DEAF1: variants seen among roughly 807,000 people sequenced by gnomAD.
DEAF1 encodes deformed epidermal autoregulatory factor 1 homolog.
A neutral mutation model predicts 58.9 loss-of-function variants in DEAF1; 53 were observed. The observed-to-expected ratio is 0.90, with a 90% CI of 0.72 to 1.13. The LOEUF (loss-of-function observed/expected upper bound fraction) is 1.13, where lower values mean the gene tolerates loss of function less well. Among genes scored for constraint, DEAF1 ranks in the 50% most tolerant of loss-of-function variants. DEAF1 has a pLI of 0.00. For missense variants in DEAF1, 685 were observed against 791.4 expected, an observed-to-expected ratio of 0.87 and a Z score of 1.61; for synonymous variants, 385 against 340.4, an observed-to-expected ratio of 1.13 and a Z score of -1.44.
At chr11:654,893 G>A (rs931025245) in intron 10 of DEAF1, among the ~76,000 whole-genome samples, 1 of 150,630 alleles carries the variant, frequency 6.6e-6, no homozygotes, top group Admixed American at 6.6e-5. Context: ...AATCAGGGCC[G>A]GATGCAGTGG....
intron 5 of DEAF1, among the ~76,000 whole-genome samples, chr11:685,213 A>T (rs1315466157): frequency 2.0e-5 from 3 of 151,140 alleles, no homozygotes; most frequent in Non-Finnish European, 4.4e-5. Context: ...GCCTCCCAAG[A>T]AGCTGGGATT....
Position 644,561 on chromosome 11 carries a change from CCTT to C in DEAF1, c.1684_1686del (p.Lys562del). On this transcript the variant is annotated inframe_deletion, in exon 12 of 12. Coordinates refer to ENST00000382409, the MANE Select transcript of DEAF1 (RefSeq NM_021008.4). This position sits in a 1 kb window ranked among gnomAD's most constrained non-coding sequence, Gnocchi z 4.3. ...CGGCCGATGGAGCCTCACACGGTCA[CCTT>C]CTCCATCACGCTTTCAGCCACGTGG... 1 of 1,612,866 alleles carries C rather than the reference CCTT, an allele frequency of 6.2e-7. No individual in the cohort carries two copies. The highest frequency in any genetic ancestry group is 8.5e-7 in the Non-Finnish European group (1 of 1,179,922).
At chr11:663,470 A>G (rs1390503061) in intron 10 of DEAF1, among the ~76,000 whole-genome samples, 1 of 152,176 alleles carries the variant, frequency 6.6e-6, no homozygotes, top group East Asian at 1.9e-4. Context: ...CTGCCTCTGG[A>G]GTCAATACCA....
At chr11:650,028 C>A (rs28717055) in intron 11 of DEAF1, among the ~76,000 whole-genome samples, 2,336 of 40,652 alleles carry the variant, frequency 0.057, 54 homozygotes, top group African/African-American at 0.11. Context: ...GTCTAAAAAA[C>A]AAAAACAAAA....
At chr11:695,247 A>C, upstream of DEAF1, 1 of 482,936 alleles carries the variant, frequency 2.1e-6, no homozygotes, top group Non-Finnish European at 3.4e-6. Context: ...GCCGAGGCGA[A>C]CAGAGGCTGC....
At chr11:695,409 TCA>T, upstream of DEAF1, 2 of 424,172 alleles carry the variant, frequency 4.7e-6, no homozygotes, top group Non-Finnish European at 8.1e-6. Flanking sequence ...CCTGCTCTCC[TCA>T]CTGTCCTGAC....
chr11:657,323 C>T (rs1265602666), intron 10 of DEAF1, among the ~76,000 whole-genome samples: 1 of 152,140 alleles, frequency 6.6e-6, no homozygotes, highest in African/African-American at 2.4e-5. Context: ...TCAGGACGTA[C>T]CCCAAAATGA....
intron 9 of DEAF1, among the ~76,000 whole-genome samples, chr11:676,544 G>A (rs532684529): frequency 4.0e-5 from 6 of 151,786 alleles, no homozygotes; most frequent in African/African-American, 9.7e-5. Flanking sequence ...TCAGAGTCTC[G>A]CTGTGTCGCC....
chr11:667,032 A>G (rs1859568560), intron 10 of DEAF1, among the ~76,000 whole-genome samples: 1 of 151,872 alleles, frequency 6.6e-6, no homozygotes, highest in Non-Finnish European at 1.5e-5. Flanking sequence ...AACCCCATCT[A>G]TACAAAACAA....
At chr11:702,843 C>T (rs2133475888) in intron 1 of DEAF1, 2 of 1,157,978 alleles carry the variant, frequency 1.7e-6, no homozygotes, top group East Asian at 4.9e-5. Context: ...GAACGTAGGG[C>T]AAGGAGCTGC....
At position 678,740 on chromosome 11, in the gene DEAF1, G is replaced by A. The variant is rs540108800; in HGVS notation, c.1209C>T (p.Ile403=). Residue 403 remains isoleucine, a synonymous_variant, in exon 9 of 12, where the codon ATC becomes ATT. Transcript: ENST00000382409. ...HYPGYQDSCQ[I]APFPEAALPT... is the part of the protein sequence containing the mutation. ...GCAACGCAGCTTCTGGAAACGGTGCGATCTGGCAGCTGTCCTGATAGCCGG... is the reference window on the plus strand; with the variant it reads ...GCAACGCAGCTTCTGGAAACGGTGCAATCTGGCAGCTGTCCTGATAGCCGG... The A allele has an allele frequency of 3.1e-5, 50 of 1,614,082 alleles. No individual in the cohort carries two copies. The highest frequency in any genetic ancestry group is 1.6e-4 in the Middle Eastern group (1 of 6,084).
intron 2 of DEAF1, among the ~76,000 whole-genome samples, chr11:690,418 A>T (rs1481844398): frequency 2.0e-5 from 3 of 147,956 alleles, no homozygotes; most frequent in African/African-American, 7.5e-5. Flanking sequence ...GAAGTCCTTC[A>T]CAAGTTTTCT....
intron 10 of DEAF1, among the ~76,000 whole-genome samples, chr11:673,042 G>A (rs1859898127): frequency 6.6e-6 from 1 of 151,672 alleles, no homozygotes; most frequent in South Asian, 2.1e-4. Context: ...CCAGCTACTT[G>A]GGAGGCTGAG....
chr11:691,693 C>G lies in DEAF1; in HGVS notation c.290-95G>C, dbSNP rs1205549165. ...GGTGCTTCAAACAAAGTGACTCCCC[C>G]TCAGGTGTGTGCCCTTGTAACCAGG... On this transcript the variant is annotated intron_variant, in intron 1 of 11. Transcript: ENST00000382409. The G allele has an allele frequency of 2.9e-6, 3 of 1,024,852 alleles. No individual in the cohort carries two copies. In the African/African-American group the frequency reaches 4.7e-5, roughly 16 times the overall value. 63.5% of individuals were successfully genotyped at this position (1,024,852 alleles called of 1,614,324 possible).
intron 10 of DEAF1, among the ~76,000 whole-genome samples, chr11:668,645 G>C (rs1589991142): frequency 6.6e-6 from 1 of 152,136 alleles, no homozygotes; most frequent in East Asian, 1.9e-4. Context: ...AACACAGTGA[G>C]ACCCTCTCTC....
intron 5 of DEAF1, among the ~76,000 whole-genome samples, chr11:685,352 G>A (rs539118676): frequency 1.3e-5 from 2 of 152,070 alleles, no homozygotes; most frequent in Non-Finnish European, 2.9e-5. Flanking sequence ...CCGAAGTGCT[G>A]GGATTACAAG....
upstream of DEAF1, among the ~76,000 whole-genome samples, chr11:696,424 A>G (rs1861161954): frequency 6.6e-6 from 1 of 152,022 alleles, no homozygotes; most frequent in Non-Finnish European, 1.5e-5. Flanking sequence ...AAGAATGGCT[A>G]CTCCATAGGC....
rs1308521142 is a variant in DEAF1 at position 644,267 on chromosome 11, G to A, written c.*283C>T. The A allele has an allele frequency of 7.4e-6, 4 of 538,132 alleles. No homozygotes were observed. Among genetic ancestry groups the A allele is most frequent in the African/African-American group, 3.8e-5 (2 of 52,508 alleles). 33.3% of individuals were successfully genotyped at this position (538,132 alleles called of 1,614,324 possible). ...TACACTTTATTGACAGACACAACAC[G>A]TATGTATGTGCGTCGCAGCACAGGC... On this transcript the variant is annotated 3_prime_UTR_variant, in exon 12 of 12. Coordinates refer to ENST00000382409, the MANE Select transcript of DEAF1 (RefSeq NM_021008.4). The surrounding 1 kb of genome is among the most constrained non-coding windows in gnomAD (Gnocchi z 4.3).
Position 679,917 on chromosome 11 carries a change from T to G in DEAF1, c.998-101A>C, listed in dbSNP as rs1860270796. ...CGCCAATCCTTGTGGGGGCCTGGGC[T>G]GAAGGGCGGGCAGTGGTAACTGTAC... is the stretch of plus-strand genomic sequence containing the variant. On this transcript the variant is annotated intron_variant, in intron 7 of 11. Transcript: ENST00000382409. The G allele has an allele frequency of 5.9e-6, 9 of 1,520,402 alleles. No homozygotes were observed. In the South Asian group the frequency reaches 1.0e-4, roughly 18 times the overall value. The allele number at this position is 1,520,402 out of a possible 1,614,324, so 94.2% of individuals were successfully genotyped here. A position where few individuals can be genotyped will look rare whatever the true frequency, so the allele number is the denominator to read the frequency against.
Sources: gnomAD v4.1 joint callset for allele counts (sites outside exome capture counted in the v4.1 genomes callset) on GRCh38, gnomAD v4.1.1 for gene constraint, Gnocchi (gnomAD v3.1) non-coding constraint, MANE v1.5 for transcripts, NCBI Gene and HGNC (gene_info 2026-07-23, HGNC 2026-07-21) for gene names.